FMNL2: variants seen among roughly 807,000 people sequenced by gnomAD.
FMNL2 encodes formin-like protein 2.
Under a neutral mutation model 130.2 loss-of-function variants are expected in FMNL2, and 51 were observed. The ratio of observed to expected loss-of-function variants is 0.39; its 90% confidence interval spans 0.31 to 0.49. The LOEUF (loss-of-function observed/expected upper bound fraction) is 0.49. FMNL2 is among the 20% of genes least tolerant of loss of function. FMNL2 has a pLI of 0.85. For missense variants in FMNL2, 977 were observed against 1,316.2 expected (o/e 0.74, Z 3.99); for synonymous variants, 465 against 467.1 (o/e 1.00, Z 0.06).
chr2:152,402,405 A>C (rs1685756065), intron 1 of FMNL2, among the ~76,000 whole-genome samples: 2 of 152,300 alleles, frequency 1.3e-5, no homozygotes, highest in East Asian at 3.9e-4. Context: ...CCTCTTGGAA[A>C]AGAGCAGAAA....
At chr2:152,441,549 A>G (rs1253178377) in intron 1 of FMNL2, among the ~76,000 whole-genome samples, 1 of 149,612 alleles carries the variant, frequency 6.7e-6, no homozygotes, top group Non-Finnish European at 1.5e-5. Flanking sequence ...AAAATGGGGG[A>G]CAGGAGGCCA....
At chr2:152,358,003 A>G (rs148301342) in intron 1 of FMNL2, among the ~76,000 whole-genome samples, 7,548 of 152,302 alleles carry the variant, frequency 0.05, 251 homozygotes, top group Middle Eastern at 0.13. Flanking sequence ...TCCACCCTCA[A>G]TCTGGGTGGG....
At position 152,580,281 on chromosome 2, in the gene FMNL2, T is replaced by C. The variant is rs559029995; in HGVS notation, c.783-675T>C. Among the ~76,000 whole-genome samples the C allele has an allele frequency of 2.0e-5, 3 of 152,340 alleles. No individual in the cohort carries two copies. In the South Asian group the frequency reaches 6.2e-4, roughly 32 times the overall value. ...AAACAATGCTGTTTCTTTCTTGACA[T>C]TGAATTTGAAAACTTAGAGTGTATC... On this transcript the variant is annotated intron_variant, in intron 8 of 25. Coordinates refer to ENST00000288670, the MANE Select transcript of FMNL2 (RefSeq NM_052905.4).
At chr2:152,494,527 A>G (rs1691392428) in intron 1 of FMNL2, among the ~76,000 whole-genome samples, 1 of 152,224 alleles carries the variant, frequency 6.6e-6, no homozygotes, top group African/African-American at 2.4e-5. Context: ...GGTCTGAAAA[A>G]TACGGGTATC....
At chr2:152,528,493 C>A (rs548566905) in intron 2 of FMNL2, among the ~76,000 whole-genome samples, 58 of 152,278 alleles carry the variant, frequency 3.8e-4, no homozygotes, top group African/African-American at 1.3e-3. Flanking sequence ...CTGTGTAAAT[C>A]CAATCTCTGC....
chr2:152,385,517 C>T (rs991778838), intron 1 of FMNL2, among the ~76,000 whole-genome samples: 4 of 152,126 alleles, frequency 2.6e-5, no homozygotes, highest in Non-Finnish European at 4.4e-5. Flanking sequence ...AGAACCATGC[C>T]CTATGAATGT....
intron 1 of FMNL2, among the ~76,000 whole-genome samples, chr2:152,495,951 A>G (rs1335016134): frequency 2.0e-5 from 3 of 152,274 alleles, no homozygotes; most frequent in Middle Eastern, 3.4e-3. Context: ...TGTATCTTCT[A>G]TCAGCCCATA....
At chr2:152,614,804 T>C (rs1442619874) in intron 11 of FMNL2, 47 bp from the exon 12 acceptor site, 6 of 1,533,592 alleles carry the variant, frequency 3.9e-6, no homozygotes, top group Non-Finnish European at 5.2e-6. Flanking sequence ...GATGTTCTAT[T>C]TCCATAGATG....
intron 21 of FMNL2, among the ~76,000 whole-genome samples, chr2:152,635,467 C>G (rs1224532898): frequency 6.6e-6 from 1 of 152,084 alleles, no homozygotes; most frequent in East Asian, 1.9e-4. Flanking sequence ...TTTCCGTAGT[C>G]TAAAATAAAT....
intron 1 of FMNL2, among the ~76,000 whole-genome samples, chr2:152,374,179 T>C (rs1684039412): frequency 1.3e-5 from 2 of 152,136 alleles, no homozygotes; most frequent in Admixed American, 1.3e-4. Context: ...TAATAACAGG[T>C]GTAGCGTTAA....
chr2:152,600,608 C>A (rs116585289), intron 9 of FMNL2, among the ~76,000 whole-genome samples: 1 of 152,142 alleles, frequency 6.6e-6, no homozygotes, highest in Non-Finnish European at 1.5e-5. Context: ...CCCTAACCGC[C>A]GCCCACCCTT....
intron 9 of FMNL2, among the ~76,000 whole-genome samples, chr2:152,593,161 A>G (rs1170809719): frequency 6.6e-6 from 1 of 152,218 alleles, no homozygotes; most frequent in African/African-American, 2.4e-5. Context: ...TCCATGTTAC[A>G]GAACAAAACA....
rs530283177 is a variant in FMNL2, at chr2:152,609,648, A to AT, written c.952-1838dup. On this transcript the variant is annotated intron_variant, in intron 10 of 25. Transcript: ENST00000288670. ...AACCCGAGATGATTTTTATTTTTTTATTTTTTTTTAGTAAGTTGCAGTAGA... is the reference window on the plus strand; with the variant it reads ...AACCCGAGATGATTTTTATTTTTTTATTTTTTTTTTAGTAAGTTGCAGTAGA... Among the ~76,000 whole-genome samples the AT allele has an allele frequency of 2.6e-4, 40 of 151,252 alleles. 1 individual carries two copies. The highest frequency in any genetic ancestry group is 9.7e-4 in the East Asian group (5 of 5,168).
intron 1 of FMNL2, 76 bp downstream of exon 1, chr2:152,335,796 CCTT>C: frequency 1.8e-6 from 2 of 1,088,024 alleles, no homozygotes; most frequent in Non-Finnish European, 2.5e-6. Flanking sequence ...CCGCCCCTCC[CCTT>C]CACCCCGTGC....
At chr2:152,616,815 A>AG (rs1437739357) in intron 12 of FMNL2, among the ~76,000 whole-genome samples, 1 of 152,142 alleles carries the variant, frequency 6.6e-6, no homozygotes, top group East Asian at 1.9e-4. Flanking sequence ...TACCCTTGCT[A>AG]GCCCCTGCAG....
intron 21 of FMNL2, among the ~76,000 whole-genome samples, chr2:152,633,067 C>T (rs1682285646): frequency 1.3e-5 from 2 of 151,744 alleles, no homozygotes; most frequent in African/African-American, 2.4e-5. Context: ...TGTATTACAA[C>T]AATTTGCATG....
chr2:152,387,677 T>G (rs2105915412), intron 1 of FMNL2, among the ~76,000 whole-genome samples: 1 of 151,930 alleles, frequency 6.6e-6, no homozygotes. Flanking sequence ...GGAATTGGAG[T>G]TGGGGTCTCT....
intron 1 of FMNL2, among the ~76,000 whole-genome samples, chr2:152,342,540 C>A (rs1023359784): frequency 6.6e-6 from 1 of 152,144 alleles, no homozygotes; most frequent in South Asian, 2.1e-4. Flanking sequence ...CCTTCATGTA[C>A]CTTCTTAGTT....
chr2:152,537,379 A>AAGAG (rs1558946048), intron 2 of FMNL2, among the ~76,000 whole-genome samples: 1 of 152,192 alleles, frequency 6.6e-6, no homozygotes, highest in East Asian at 1.9e-4. Context: ...CCAGGCAACC[A>AAGAG]GTAGGGAAAG....
Sources: gnomAD v4.1 joint callset for allele counts (sites outside exome capture counted in the v4.1 genomes callset) on GRCh38, gnomAD v4.1.1 for gene constraint, MANE v1.5 for transcripts, NCBI Gene and HGNC (gene_info 2026-07-23, HGNC 2026-07-21) for gene names.